Variants in NBAS observed in about 807,000 individuals in gnomAD.
NBAS encodes the protein NBAS subunit of NRZ tethering complex, also known as NAG/BC035112 fusion.
A neutral mutation model predicts 302.5 loss-of-function variants in NBAS; 219 were observed. That is an observed-to-expected ratio of 0.72 (90% CI 0.65 to 0.81). NBAS has a LOEUF of 0.81. NBAS is among the 30% of genes least tolerant of loss of function. The pLI, the probability that NBAS is intolerant of heterozygous loss-of-function variation, is 0.00. For synonymous variants in NBAS, 1,118 were observed against 1,021.6 expected (o/e 1.09, Z -1.80); for missense variants, 2,932 against 2,841.6 (o/e 1.03, Z -0.72).
chr2:14,861,080 A>C, the NBAS span, among the ~76,000 whole-genome samples: 1 of 152,208 alleles, frequency 6.6e-6, no homozygotes, highest in Non-Finnish European at 1.5e-5. Context: ...AATGATGCTT[A>C]TGTGAAGATT....
chr2:15,522,238 G>T (rs1001510217), intron 9 of NBAS, among the ~76,000 whole-genome samples: 1 of 152,164 alleles, frequency 6.6e-6, no homozygotes, highest in Admixed American at 6.5e-5. Flanking sequence ...TGGGTCAGAA[G>T]TAATGAGGGT....
the NBAS span, among the ~76,000 whole-genome samples, chr2:15,112,112 C>A: frequency 6.6e-6 from 1 of 150,898 alleles, no homozygotes; most frequent in African/African-American, 2.4e-5. Flanking sequence ...ACCAGAAAGC[C>A]AAATCTGCAA....
intron 23 of NBAS, 103 bp downstream of exon 23, chr2:15,424,212 A>T: frequency 3.9e-6 from 5 of 1,294,724 alleles, no homozygotes; most frequent in Non-Finnish European, 5.6e-6. Context: ...AATTATATAC[A>T]TGATTCCTGC....
chr2:15,012,681 C>T, the NBAS span, among the ~76,000 whole-genome samples: 2 of 152,048 alleles, frequency 1.3e-5, no homozygotes, highest in Non-Finnish European at 1.5e-5. Flanking sequence ...TAAGGAAATC[C>T]ATATTAGTCT....
chr2:14,911,077 G>T, the NBAS span, among the ~76,000 whole-genome samples: 1 of 152,164 alleles, frequency 6.6e-6, no homozygotes, highest in Non-Finnish European at 1.5e-5. Flanking sequence ...TTGTCTCTCT[G>T]TTCCTTCCTT....
At chr2:15,560,886 C>T (rs1376449735) in intron 1 of NBAS, among the ~76,000 whole-genome samples, 1 of 152,096 alleles carries the variant, frequency 6.6e-6, no homozygotes, top group Non-Finnish European at 1.5e-5. Flanking sequence ...TAACAATCCC[C>T]TCTCCTCCCA....
the NBAS span, among the ~76,000 whole-genome samples, chr2:15,048,671 G>C: frequency 6.6e-6 from 1 of 152,196 alleles, no homozygotes; most frequent in Non-Finnish European, 1.5e-5. Context: ...CCTGGGACTG[G>C]GCTCTAACAA....
At chr2:15,159,673 G>A in the NBAS span, among the ~76,000 whole-genome samples, 1 of 152,102 alleles carries the variant, frequency 6.6e-6, no homozygotes, top group Non-Finnish European at 1.5e-5. Context: ...GCAAGAAAAA[G>A]TTCTGGAGAT....
chr2:15,403,064 T>C (rs1676230965), intron 25 of NBAS, among the ~76,000 whole-genome samples: 1 of 152,220 alleles, frequency 6.6e-6, no homozygotes, highest in African/African-American at 2.4e-5. Context: ...ATGCTTATAT[T>C]ATTAGCACCA....
At chr2:14,895,705 A>G in the NBAS span, among the ~76,000 whole-genome samples, 2 of 150,102 alleles carry the variant, frequency 1.3e-5, no homozygotes, top group African/African-American at 4.9e-5. Flanking sequence ...GCGCCACCGC[A>G]CTCCAGCCTG....
At chr2:15,218,190 G>A (rs1030372419) in intron 48 of NBAS, among the ~76,000 whole-genome samples, 3 of 152,112 alleles carry the variant, frequency 2.0e-5, no homozygotes, top group African/African-American at 4.8e-5. Context: ...CATGATTAAC[G>A]GATACTGTGA....
the NBAS span, among the ~76,000 whole-genome samples, chr2:14,972,625 A>T: frequency 2.6e-5 from 4 of 152,204 alleles, no homozygotes. Flanking sequence ...AAGAAGTTAG[A>T]CGACTTTCTA....
intron 50 of NBAS, chr2:15,179,885 A>G (rs757533600): frequency 2.6e-5 from 4 of 152,236 alleles, no homozygotes; most frequent in African/African-American, 2.4e-5. Flanking sequence ...GCATAAAACA[A>G]TAAGAATAAG....
chr2:15,057,633 G>A, the NBAS span, among the ~76,000 whole-genome samples: 12 of 152,068 alleles, frequency 7.9e-5, no homozygotes, highest in East Asian at 3.9e-4. Context: ...ATGCCTTTGC[G>A]TCCTCATAGC....
chr2:15,227,375 T>C (rs761126019), intron 47 of NBAS, among the ~76,000 whole-genome samples: 1 of 152,128 alleles, frequency 6.6e-6, no homozygotes, highest in South Asian at 2.1e-4. Context: ...AATGGAACGA[T>C]ATTCCATGTT....
At chr2:15,271,340 A>T (rs1281828355) in intron 44 of NBAS, among the ~76,000 whole-genome samples, 1 of 152,244 alleles carries the variant, frequency 6.6e-6, no homozygotes, top group Non-Finnish European at 1.5e-5. Flanking sequence ...ATGAGTTTGA[A>T]GGTTAGAAAG....
chr2:15,536,678 G>A (rs564465705), intron 7 of NBAS, 127 bp from the exon 8 acceptor site: 3 of 887,586 alleles, frequency 3.4e-6, no homozygotes, highest in South Asian at 3.2e-5. Flanking sequence ...CTTCAGAATT[G>A]CTCTGTATAC....
chr2:15,352,413 G>A (rs1673406082), intron 34 of NBAS, among the ~76,000 whole-genome samples: 1 of 152,148 alleles, frequency 6.6e-6, no homozygotes, highest in Admixed American at 6.5e-5. Flanking sequence ...AGAGACCGAG[G>A]CGAGTTTTAG....
At chr2:14,848,738 G>A in the NBAS span, among the ~76,000 whole-genome samples, 15 of 151,454 alleles carry the variant, frequency 9.9e-5, no homozygotes, top group South Asian at 2.9e-3. Flanking sequence ...CTGAGAACGG[G>A]CAGACTGCCT....
Sources: gnomAD v4.1 joint callset for allele counts (sites outside exome capture counted in the v4.1 genomes callset) on GRCh38, gnomAD v4.1.1 for gene constraint, MANE v1.5 for transcripts, NCBI Gene and HGNC (gene_info 2026-07-23, HGNC 2026-07-21) for gene names.